The following MFSD6 variants were observed in gnomAD, a reference collection of about 807,000 sequenced individuals.
MFSD6 encodes major facilitator superfamily domain containing 6, also known as major facilitator superfamily domain-containing protein 6.
MFSD6 carries 26 observed loss-of-function variants against 56.3 expected under a neutral mutation model. That is an observed-to-expected ratio of 0.46 (90% confidence interval 0.34 to 0.64). The LOEUF is 0.64. Ranked by LOEUF, MFSD6 falls within the 30% of genes least tolerant of loss-of-function variation. MFSD6 has a pLI of 0.01. For synonymous variants in MFSD6, 331 were observed against 366.9 expected (o/e 0.90, Z 1.12); for missense variants, 750 against 986.2 (o/e 0.76, Z 3.21).
At position 190,459,320 on chromosome 2, in the gene MFSD6, C is replaced by T. The variant is rs867812561; in HGVS notation, c.1533-10438C>T. Among the ~76,000 whole-genome samples the T allele has an allele frequency of 1.4e-4, 22 of 152,046 alleles. No individual in the cohort carries two copies. Among genetic ancestry groups the T allele is most frequent in the South Asian group, 6.2e-4 (3 of 4,824 alleles). On this transcript the variant is annotated intron_variant, in intron 3 of 7. Coordinates refer to ENST00000392328, the MANE Select transcript of MFSD6 (RefSeq NM_017694.4). This position sits in a 1 kb window ranked among gnomAD's most constrained non-coding sequence, Gnocchi z 5.3. ...GAGTTTCGATGAACTTGTTCAGCTT[C>T]GTCAAATTTAGCTTAGGGTCAAGTA...
chr2:190,447,973 G>T lies in MFSD6; in HGVS notation c.1532+10412G>T, dbSNP rs542217006. Reference sequence around the variant, plus strand: ...TCATAGTTAAGAAGAAAAGGCCATTGTTGCAAAGTGGTATAAATGGATCCA... The same window carrying T: ...TCATAGTTAAGAAGAAAAGGCCATTTTTGCAAAGTGGTATAAATGGATCCA... On this transcript the variant is annotated intron_variant, in intron 3 of 7. Transcript: ENST00000392328. The surrounding 1 kb of genome is among the most constrained non-coding windows in gnomAD (Gnocchi z 4.5). Among the ~76,000 whole-genome samples, 1 of 152,154 alleles carries T rather than the reference G, an allele frequency of 6.6e-6. No individual in the cohort carries two copies. The highest frequency in any genetic ancestry group is 1.5e-5 in the Non-Finnish European group (1 of 68,024).
intron 2 of MFSD6, among the ~76,000 whole-genome samples, chr2:190,421,744 A>T (rs957615195): frequency 2.0e-5 from 3 of 152,064 alleles, no homozygotes; most frequent in Middle Eastern, 3.4e-3. Context: ...AATTTTTTTT[A>T]AAGATGGGAT....
In MFSD6 at chr2:190,410,824, G is replaced by A. The variant is rs866963420; in HGVS notation, c.-176+2321G>A. On this transcript the variant is annotated intron_variant, in intron 1 of 7. Transcript: ENST00000392328. This position sits in a 1 kb window ranked among gnomAD's most constrained non-coding sequence, Gnocchi z 4.4. ...TGTAATCCCAGCACTTTGGGAGGCC[G>A]AGGCAGGTGGATCACGAAGTCAGGA... Among the ~76,000 whole-genome samples the A allele has an allele frequency of 6.6e-6, 1 of 151,404 alleles. No homozygotes were observed. The highest frequency in any genetic ancestry group is 1.5e-5 in the Non-Finnish European group (1 of 67,910).
rs966259352 is a variant in MFSD6 at position 190,467,518 on chromosome 2, C to T, written c.1533-2240C>T. ...ATCCCAGCTAGTCAGGAGGCTGAGG[C>T]GGGAGAATTGCTTGAACCTGGGAGG... is the stretch of plus-strand genomic sequence containing the variant. On this transcript the variant is annotated intron_variant, in intron 3 of 7. Transcript: ENST00000392328. The surrounding 1 kb of genome is among the most constrained non-coding windows in gnomAD (Gnocchi z 5.5). Among the ~76,000 whole-genome samples the T allele has an allele frequency of 2.6e-5, 4 of 152,042 alleles. No homozygotes were observed. Among genetic ancestry groups the T allele is most frequent in the Admixed American group, 1.3e-4 (2 of 15,254 alleles).
rs1687350353 is a variant in MFSD6 at position 190,461,903 on chromosome 2, GAA to G, written c.1533-7854_1533-7853del. On this transcript the variant is annotated intron_variant, in intron 3 of 7. Transcript: ENST00000392328. The surrounding 1 kb of genome is among the most constrained non-coding windows in gnomAD (Gnocchi z 5.5). ...ATACTTTCAGAACAATCTGAGAGCAGAAGTCTTTTAATTTAAAAATTTAAAGG... is the reference window on the plus strand; with the variant it reads ...ATACTTTCAGAACAATCTGAGAGCAGGTCTTTTAATTTAAAAATTTAAAGG... Among the ~76,000 whole-genome samples, 1 of 152,056 alleles carries G rather than the reference GAA, an allele frequency of 6.6e-6. No homozygotes were observed. The highest frequency in any genetic ancestry group is 1.5e-5 in the Non-Finnish European group (1 of 68,008).
At chr2:190,429,285 T>C (rs1205924057) in intron 2 of MFSD6, among the ~76,000 whole-genome samples, 2 of 152,022 alleles carry the variant, frequency 1.3e-5, no homozygotes, top group Non-Finnish European at 2.9e-5. Context: ...TCTCACTCTT[T>C]GACTTGCCAT....
intron 4 of MFSD6, among the ~76,000 whole-genome samples, chr2:190,475,298 T>G (rs779958666): frequency 2.0e-5 from 3 of 152,218 alleles, no homozygotes; most frequent in African/African-American, 4.8e-5. Context: ...GATGACATGA[T>G]TGTATATCTA....
rs1686012825 is a variant in MFSD6, at chr2:190,431,766, C to G, written c.-53-4211C>G. Among the ~76,000 whole-genome samples the G allele has an allele frequency of 6.6e-6, 1 of 152,092 alleles. No individual in the cohort carries two copies. Among genetic ancestry groups the G allele is most frequent in the South Asian group, 2.1e-4 (1 of 4,826 alleles). The stretch of plus-strand genomic sequence containing the variant: ...GGAGAGGGAGCATGAGCATCTTGTT[C>G]TTTATTTTCCTAAGAAATTGCCTTA... On this transcript the variant is annotated intron_variant, in intron 2 of 7. Coordinates refer to ENST00000392328, the MANE Select transcript of MFSD6 (RefSeq NM_017694.4). The surrounding 1 kb of genome is among the most constrained non-coding windows in gnomAD (Gnocchi z 4.4).
intron 3 of MFSD6, among the ~76,000 whole-genome samples, chr2:190,440,060 C>G (rs1035326419): frequency 6.6e-6 from 1 of 152,198 alleles, no homozygotes; most frequent in African/African-American, 2.4e-5. Flanking sequence ...AGAAGTAGAT[C>G]TGCCCATGGC....
At chr2:190,448,502 A>C (rs891846039) in intron 3 of MFSD6, among the ~76,000 whole-genome samples, 8 of 152,374 alleles carry the variant, frequency 5.3e-5, no homozygotes, top group Admixed American at 2.6e-4. Context: ...AGACTAGATC[A>C]ATATGCCAAC....
intron 3 of MFSD6, among the ~76,000 whole-genome samples, chr2:190,440,620 C>A (rs2125060502): frequency 1.3e-5 from 2 of 152,260 alleles, no homozygotes; most frequent in South Asian, 4.1e-4. Context: ...TCATTACTTT[C>A]CAATGTTAGG....
At chr2:190,475,165 T>C (rs1179816376) in intron 4 of MFSD6, among the ~76,000 whole-genome samples, 1 of 152,180 alleles carries the variant, frequency 6.6e-6, no homozygotes, top group African/African-American at 2.4e-5. Context: ...AAGACAGGGA[T>C]GCCCTCTCTC....
At position 190,485,029 on chromosome 2, in the gene MFSD6, C is replaced by CT. The variant is rs1688932535; in HGVS notation, c.1631-3627dup. Among the ~76,000 whole-genome samples the CT allele has an allele frequency of 6.6e-6, 1 of 152,172 alleles. No individual in the cohort carries two copies. Among genetic ancestry groups the CT allele is most frequent in the Non-Finnish European group, 1.5e-5 (1 of 68,022 alleles). On this transcript the variant is annotated intron_variant, in intron 4 of 7. Coordinates refer to ENST00000392328, the MANE Select transcript of MFSD6 (RefSeq NM_017694.4). The surrounding 1 kb of genome is among the most constrained non-coding windows in gnomAD (Gnocchi z 5.1). ...CAAAAGCAATATAGAAACTAGAAGT[C>CT]TAACTGTGGAGAATCTTTTACAACT...
In MFSD6 at chr2:190,424,700, C is replaced by A. The variant is rs544045318; in HGVS notation, c.-54+9287C>A. Reference sequence around the variant, plus strand: ...CACCATTTGTTGAAAGGTTACCTTTCCACCATTGAATTTTTTTTGCATCTT... The same window carrying A: ...CACCATTTGTTGAAAGGTTACCTTTACACCATTGAATTTTTTTTGCATCTT... On this transcript the variant is annotated intron_variant, in intron 2 of 7. Coordinates refer to ENST00000392328, the MANE Select transcript of MFSD6 (RefSeq NM_017694.4). The surrounding 1 kb of genome is among the most constrained non-coding windows in gnomAD (Gnocchi z 5.9). 9.9e-5 allele frequency among the ~76,000 whole-genome samples: 15 copies of A among 152,142 alleles called. No individual in the cohort carries two copies. The highest frequency in any genetic ancestry group is 1.8e-4 in the Non-Finnish European group (12 of 68,036).
chr2:190,414,908 T>C (rs1435140336), intron 1 of MFSD6, among the ~76,000 whole-genome samples: 1 of 152,224 alleles, frequency 6.6e-6, no homozygotes, highest in Admixed American at 6.5e-5. Flanking sequence ...AAATATAAAC[T>C]GTACTATATC....
chr2:190,408,959 T>A (rs747221870), intron 1 of MFSD6, among the ~76,000 whole-genome samples: 30 of 152,042 alleles, frequency 2.0e-4, no homozygotes, highest in Non-Finnish European at 3.7e-4. Context: ...TAAACATCCC[T>A]GGGAAAAAGG....
At chr2:190,473,329 A>G (rs1292026074) in intron 4 of MFSD6, among the ~76,000 whole-genome samples, 1 of 152,232 alleles carries the variant, frequency 6.6e-6, no homozygotes, top group Non-Finnish European at 1.5e-5. Context: ...AGTGTGCTGT[A>G]TTCAGGAAAC....
chr2:190,411,275 T>C (rs1690554827), intron 1 of MFSD6: 4 of 464,348 alleles, frequency 8.6e-6, no homozygotes, highest in African/African-American at 2.1e-5. Flanking sequence ...TTCTCCTGCC[T>C]CAGCCTCCCG....
chr2:190,445,477 A>C (rs1460039268), intron 3 of MFSD6, among the ~76,000 whole-genome samples: 4 of 134,460 alleles, frequency 3.0e-5, no homozygotes, highest in Non-Finnish European at 6.4e-5. Context: ...AACCCCGACT[A>C]TACCCTGTTT....
Sources: gnomAD v4.1 joint callset for allele counts (sites outside exome capture counted in the v4.1 genomes callset) on GRCh38, gnomAD v4.1.1 for gene constraint, Gnocchi (gnomAD v3.1) non-coding constraint, MANE v1.5 for transcripts, NCBI Gene and HGNC (gene_info 2026-07-23, HGNC 2026-07-21) for gene names.